The following KCNC2 variants were observed in gnomAD, a reference collection of about 807,000 sequenced individuals.
KCNC2 encodes the protein voltage-gated potassium channel KCNC2.
KCNC2 carries 21 observed loss-of-function variants against 44.5 expected under a neutral mutation model. The ratio of observed to expected loss-of-function variants is 0.47; its 90% CI spans 0.33 to 0.68. The LOEUF (loss-of-function observed/expected upper bound fraction) is 0.68. Among genes scored for constraint, KCNC2 ranks in the 30% least tolerant of loss-of-function variants. The pLI, the probability that KCNC2 is intolerant of heterozygous loss-of-function variation, is 0.01. For synonymous variants in KCNC2, 391 were observed against 339.1 expected, an observed-to-expected ratio of 1.15 and a Z score of -1.68; for missense variants, 589 against 826.2, an observed-to-expected ratio of 0.71 and a Z score of 3.52.
chr12:75,103,416 C>T (rs564277087), intron 2 of KCNC2, among the ~76,000 whole-genome samples: 1 of 152,274 alleles, frequency 6.6e-6, no homozygotes, highest in African/African-American at 2.4e-5. Flanking sequence ...GAAGCAAGGG[C>T]AATACTTAGA....
At chr12:75,077,645 A>G (rs1045729838) in intron 2 of KCNC2, among the ~76,000 whole-genome samples, 5 of 152,218 alleles carry the variant, frequency 3.3e-5, no homozygotes, top group Non-Finnish European at 7.3e-5. Flanking sequence ...TCTGTCCATT[A>G]TCTTAAAATA....
At chr12:75,125,986 T>C (rs1346999814) in intron 2 of KCNC2, among the ~76,000 whole-genome samples, 1 of 152,138 alleles carries the variant, frequency 6.6e-6, no homozygotes, top group Non-Finnish European at 1.5e-5. Context: ...TCATTTTTTA[T>C]AATAACACCA....
In KCNC2 at chr12:75,101,879, A is replaced by G. The variant is rs74928371; in HGVS notation, c.688-50562T>C. ...AAATGAGATTTCATTTAAGAGGAAAAGACTACATTTAGATCACCAAATCAT... is the reference window on the plus strand; with the variant it reads ...AAATGAGATTTCATTTAAGAGGAAAGGACTACATTTAGATCACCAAATCAT... On this transcript the variant is annotated intron_variant, in intron 2 of 4. Coordinates refer to ENST00000549446, the MANE Select transcript of KCNC2 (RefSeq NM_139137.4). Among the ~76,000 whole-genome samples the G allele has an allele frequency of 5.4e-3, 825 of 152,194 alleles. 5 individuals are homozygous for G. Among genetic ancestry groups the G allele is most frequent in the African/African-American group, 0.018 (768 of 41,536 alleles).
At chr12:75,052,531 C>A (rs1315030688) in intron 2 of KCNC2, among the ~76,000 whole-genome samples, 1 of 152,090 alleles carries the variant, frequency 6.6e-6, no homozygotes, top group African/African-American at 2.4e-5. Flanking sequence ...GCTAAATGAA[C>A]ACCAATAGGT....
chr12:75,155,877 G>C (rs1206141733), intron 2 of KCNC2, among the ~76,000 whole-genome samples: 1 of 151,698 alleles, frequency 6.6e-6, no homozygotes, highest in African/African-American at 2.4e-5. Flanking sequence ...TATTTACAGG[G>C]GATGACAATT....
intron 2 of KCNC2, among the ~76,000 whole-genome samples, chr12:75,117,961 G>A (rs933156401): frequency 1.3e-5 from 2 of 152,124 alleles, no homozygotes; most frequent in African/African-American, 2.4e-5. Context: ...ATCCTGCATA[G>A]TAATCAATAT....
chr12:75,154,328 T>C (rs1043752393), intron 2 of KCNC2, among the ~76,000 whole-genome samples: 12 of 152,004 alleles, frequency 7.9e-5, no homozygotes, highest in Non-Finnish European at 1.2e-4. Context: ...AAACAAGCAA[T>C]ATTTTTGATA....
At chr12:75,068,952 T>A (rs938005762) in intron 2 of KCNC2, among the ~76,000 whole-genome samples, 82 of 152,124 alleles carry the variant, frequency 5.4e-4, no homozygotes, top group African/African-American at 1.7e-3. Flanking sequence ...CATTGCTTGG[T>A]TTTTGCTCCT....
At chr12:75,162,783 C>T (rs1400130081) in intron 2 of KCNC2, among the ~76,000 whole-genome samples, 2 of 151,724 alleles carry the variant, frequency 1.3e-5, no homozygotes, top group African/African-American at 4.8e-5. Flanking sequence ...GGTAACTTAA[C>T]CCCTCTCCCT....
intron 2 of KCNC2, among the ~76,000 whole-genome samples, chr12:75,166,591 T>C (rs549555965): frequency 6.6e-6 from 1 of 151,378 alleles, no homozygotes; most frequent in Admixed American, 6.6e-5. Flanking sequence ...AATCTATAAG[T>C]ATTAAAATTA....
At chr12:75,189,616 C>T (rs2029998438) in intron 2 of KCNC2, among the ~76,000 whole-genome samples, 2 of 152,328 alleles carry the variant, frequency 1.3e-5, no homozygotes, top group East Asian at 1.9e-4. Flanking sequence ...GTAATTAAAC[C>T]TGTGCTAGGC....
At chr12:75,201,717 A>G (rs1469371107) in intron 2 of KCNC2, among the ~76,000 whole-genome samples, 1 of 151,828 alleles carries the variant, frequency 6.6e-6, no homozygotes, top group Non-Finnish European at 1.5e-5. Context: ...GATTATTACC[A>G]TCCCTCAACC....
chr12:75,046,631 C>T (rs928239433), intron 4 of KCNC2, among the ~76,000 whole-genome samples: 4 of 151,734 alleles, frequency 2.6e-5, no homozygotes, highest in African/African-American at 9.7e-5. Flanking sequence ...TTAACATGTA[C>T]ATATATTTTG....
chr12:75,174,085 A>C (rs938996462), intron 2 of KCNC2, among the ~76,000 whole-genome samples: 3 of 151,600 alleles, frequency 2.0e-5, no homozygotes, highest in Non-Finnish European at 4.4e-5. Flanking sequence ...AATTTCCTTC[A>C]TATGAATTTT....
chr12:75,054,561 A>G (rs1475331437), intron 2 of KCNC2, among the ~76,000 whole-genome samples: 1 of 152,200 alleles, frequency 6.6e-6, no homozygotes, highest in African/African-American at 2.4e-5. Flanking sequence ...TGCTTTCAGC[A>G]AAAGGCTATT....
chr12:75,159,388 G>A (rs547293208), intron 2 of KCNC2, among the ~76,000 whole-genome samples: 2 of 151,940 alleles, frequency 1.3e-5, no homozygotes, highest in East Asian at 1.9e-4. Flanking sequence ...AGTTCCTTAA[G>A]TTAAGATAAA....
At chr12:75,111,813 C>T (rs1887270771) in intron 2 of KCNC2, among the ~76,000 whole-genome samples, 1 of 152,012 alleles carries the variant, frequency 6.6e-6, no homozygotes, top group Admixed American at 6.6e-5. Flanking sequence ...CCTTTATGAA[C>T]ACAGAGAATT....
intron 2 of KCNC2, among the ~76,000 whole-genome samples, chr12:75,198,601 T>C (rs2030974531): frequency 6.6e-6 from 1 of 151,866 alleles, no homozygotes; most frequent in South Asian, 2.1e-4. Flanking sequence ...ACTACTTTTA[T>C]CTAAAAATTA....
intron 2 of KCNC2, among the ~76,000 whole-genome samples, chr12:75,191,104 C>A (rs2030165050): frequency 6.6e-6 from 1 of 151,986 alleles, no homozygotes; most frequent in African/African-American, 2.4e-5. Context: ...CAATAACAAC[C>A]AGGCATAGAA....
Sources: gnomAD v4.1 joint callset for allele counts (sites outside exome capture counted in the v4.1 genomes callset) on GRCh38, gnomAD v4.1.1 for gene constraint, MANE v1.5 for transcripts, NCBI Gene and HGNC (gene_info 2026-07-23, HGNC 2026-07-21) for gene names.